Variants in ANKS1A observed in about 807,000 individuals in gnomAD.
ANKS1A encodes ankyrin repeat and sterile alpha motif domain containing 1A.
Under a neutral mutation model 120.3 loss-of-function variants are expected in ANKS1A, and 55 were observed. That is an observed-to-expected ratio of 0.46 (90% CI 0.37 to 0.57). The LOEUF (loss-of-function observed/expected upper bound fraction) is 0.57. ANKS1A is among the 20% of genes least tolerant of loss of function. ANKS1A has a pLI of 0.00. For synonymous variants in ANKS1A, 590 were observed against 604.7 expected, an observed-to-expected ratio of 0.98 and a Z score of 0.36; for missense variants, 1,123 against 1,480.3, an observed-to-expected ratio of 0.76 and a Z score of 3.96.
intron 10 of ANKS1A, among the ~76,000 whole-genome samples, chr6:34,998,957 G>A (rs952286518): frequency 3.3e-5 from 5 of 152,218 alleles, no homozygotes; most frequent in Admixed American, 2.0e-4. Flanking sequence ...AAAGCAACGC[G>A]GATCCTGAGA....
chr6:35,075,392 T>C (rs1777291752), intron 13 of ANKS1A, among the ~76,000 whole-genome samples: 1 of 151,914 alleles, frequency 6.6e-6, no homozygotes, highest in African/African-American at 2.4e-5. Flanking sequence ...TCTAACTCAT[T>C]TCATAGATAA....
At chr6:35,096,686 G>A in the ANKS1A span, among the ~76,000 whole-genome samples, 3 of 152,240 alleles carry the variant, frequency 2.0e-5, no homozygotes, top group East Asian at 1.9e-4. Flanking sequence ...CAGTCCAGAC[G>A]CCTGACATTC....
chr6:34,978,801 G>A lies in ANKS1A; in HGVS notation c.436-2889G>A, dbSNP rs1490586015. On this transcript the variant is annotated intron_variant, in intron 3 of 23. Coordinates refer to ENST00000360359, the MANE Select transcript of ANKS1A (RefSeq NM_015245.3). Reference sequence around the variant, plus strand: ...GCCTGGGCAACAAGAGCGAAACTCCGTCTCAAAAAAAAAAAAAAAAAAAAG... The same window carrying A: ...GCCTGGGCAACAAGAGCGAAACTCCATCTCAAAAAAAAAAAAAAAAAAAAG... 1.0e-3 allele frequency among the ~76,000 whole-genome samples: 25 copies of A among 23,832 alleles called. No homozygotes were observed. In the South Asian group the frequency reaches 0.04, roughly 38 times the overall value. The allele number at this position is 23,832 out of a possible 152,430, so 15.6% of individuals were successfully genotyped here.
At chr6:34,991,661 C>CAT (rs1309983468) in intron 9 of ANKS1A, among the ~76,000 whole-genome samples, 1 of 98,070 alleles carries the variant, frequency 1.0e-5, no homozygotes, top group African/African-American at 2.8e-5. Flanking sequence ...TATATATACA[C>CAT]ATATATATAC....
intron 2 of ANKS1A, among the ~76,000 whole-genome samples, chr6:34,969,801 A>G (rs190781357): frequency 6.6e-6 from 1 of 152,346 alleles, no homozygotes; most frequent in East Asian, 1.9e-4. Flanking sequence ...GAGTCAGCAT[A>G]GCATGGCTCA....
chr6:34,943,045 A>G (rs2127485365), intron 1 of ANKS1A, among the ~76,000 whole-genome samples: 1 of 150,686 alleles, frequency 6.6e-6, no homozygotes, highest in African/African-American at 2.4e-5. Context: ...AAAGCTCACT[A>G]TAACCTTTAA....
At chr6:35,048,989 T>G (rs1775849156) in intron 11 of ANKS1A, among the ~76,000 whole-genome samples, 1 of 152,122 alleles carries the variant, frequency 6.6e-6, no homozygotes, top group Non-Finnish European at 1.5e-5. Context: ...CCAGCGAAAG[T>G]GAGAGCACTG....
intron 1 of ANKS1A, among the ~76,000 whole-genome samples, chr6:34,940,268 C>T (rs1769459325): frequency 6.6e-6 from 1 of 152,170 alleles, no homozygotes; most frequent in Non-Finnish European, 1.5e-5. Flanking sequence ...TTTGTGTTGA[C>T]TGATGTAGTT....
chr6:34,993,894 C>A (rs999531806), intron 9 of ANKS1A, among the ~76,000 whole-genome samples: 3 of 152,182 alleles, frequency 2.0e-5, no homozygotes, highest in Admixed American at 6.5e-5. Flanking sequence ...ATGGGAGACG[C>A]AAGAAAGGAA....
intron 10 of ANKS1A, among the ~76,000 whole-genome samples, chr6:35,013,575 G>A (rs1373010053): frequency 2.0e-5 from 3 of 152,178 alleles, no homozygotes; most frequent in Non-Finnish European, 4.4e-5. Context: ...GATTACAGGC[G>A]TGAGCCACCA....
chr6:34,997,641 A>G (rs1045308056), intron 10 of ANKS1A, among the ~76,000 whole-genome samples: 1 of 152,262 alleles, frequency 6.6e-6, no homozygotes, highest in African/African-American at 2.4e-5. Context: ...AAAATGGTTC[A>G]TAGTGAAGGA....
Position 34,889,424 on chromosome 6 carries a change from C to T in ANKS1A, c.22C>T (p.Leu8=). The part of the protein sequence containing the change: MGKEQEL[L]EAARTGHLPA... ...GGGGATGGGGAAGGAGCAGGAGCTG[C>T]TGGAGGCGGCCCGCACCGGGCACCT... is the stretch of plus-strand genomic sequence containing the variant. The change falls in exon 1 of 24, where the codon CTG becomes TTG. Residue 8 remains leucine (L), a synonymous_variant. Coordinates refer to ENST00000360359, the MANE Select transcript of ANKS1A (RefSeq NM_015245.3). This position sits in a 1 kb window ranked among gnomAD's most constrained non-coding sequence, Gnocchi z 5.5. 7.8e-7 allele frequency: 1 copy of T among 1,285,184 alleles called. No individual in the cohort carries two copies. Among genetic ancestry groups the T allele is most frequent in the Non-Finnish European group, 9.8e-7 (1 of 1,019,798 alleles). 79.6% of individuals were successfully genotyped at this position (1,285,184 alleles called of 1,614,324 possible).
chr6:35,015,836 T>C (rs1773973342), intron 10 of ANKS1A, among the ~76,000 whole-genome samples: 1 of 152,234 alleles, frequency 6.6e-6, no homozygotes, highest in East Asian at 1.9e-4. Context: ...TGTGTTTTAG[T>C]ACATTGTGTT....
At chr6:35,002,619 C>CT (rs1749660768) in intron 10 of ANKS1A, among the ~76,000 whole-genome samples, 1 of 151,966 alleles carries the variant, frequency 6.6e-6, no homozygotes, top group South Asian at 2.1e-4. Flanking sequence ...AGCCCAGTCT[C>CT]TAAATGTTAT....
At chr6:34,951,843 T>C (rs926811706) in intron 1 of ANKS1A, among the ~76,000 whole-genome samples, 1 of 152,234 alleles carries the variant, frequency 6.6e-6, no homozygotes, top group Non-Finnish European at 1.5e-5. Flanking sequence ...CCTCTACTCA[T>C]GTCCCTCTGG....
At chr6:35,054,225 C>T in intron 12 of ANKS1A, 60 bp downstream of exon 12, 1 of 1,519,702 alleles carries the variant, frequency 6.6e-7, no homozygotes, top group Non-Finnish European at 9.1e-7. Flanking sequence ...TTTTCTGGCT[C>T]AGGCTTTCCT....
rs765577638 is a variant in ANKS1A, at chr6:34,889,510, C to T, written c.108C>T (p.Gly36=). ...KRLSSGFGGG[G]GGGSGGGGGG... ...TCTCCTCAGGCTTTGGGGGCGGCGG[C>T]GGCGGTGGCTCTGGGGGCGGCGGCG... The change falls in exon 1 of 24, where the codon GGC becomes GGT. Residue 36 remains glycine (G), a synonymous_variant. Transcript: ENST00000360359. This position sits in a 1 kb window ranked among gnomAD's most constrained non-coding sequence, Gnocchi z 5.5. 1 of 1,273,430 alleles carries T rather than the reference C, an allele frequency of 7.9e-7. No homozygotes were observed. The highest frequency in any genetic ancestry group is 3.6e-5 in the South Asian group (1 of 28,154). 78.9% of individuals were successfully genotyped at this position (1,273,430 alleles called of 1,614,324 possible). A position where few individuals can be genotyped will look rare whatever the true frequency, so the allele number is the denominator to read the frequency against.
At chr6:35,068,972 C>A (rs1320257751) in intron 13 of ANKS1A, among the ~76,000 whole-genome samples, 1 of 152,160 alleles carries the variant, frequency 6.6e-6, no homozygotes, top group Non-Finnish European at 1.5e-5. Flanking sequence ...GGTGAACGTC[C>A]AATGCAAGAG....
In ANKS1A at chr6:34,918,449, G is replaced by A. The variant is rs536937418; in HGVS notation, c.197+28850G>A. Among the ~76,000 whole-genome samples, 14 of 152,334 alleles carry A rather than the reference G, an allele frequency of 9.2e-5. No individual in the cohort carries two copies. In the East Asian group the frequency reaches 1.9e-3, roughly 21 times the overall value. On this transcript the variant is annotated intron_variant, in intron 1 of 23. Transcript: ENST00000360359. ...AGATGTTCCAAACAGCACCTGGCACGTGGTATGTGCTTATTAAATGCTAGC... is the reference window on the plus strand; with the variant it reads ...AGATGTTCCAAACAGCACCTGGCACATGGTATGTGCTTATTAAATGCTAGC...
Sources: allele counts gnomAD v4.1 joint callset (sites outside exome capture counted in the v4.1 genomes callset), GRCh38; gene constraint gnomAD v4.1.1; non-coding constraint Gnocchi (gnomAD v3.1); transcripts MANE v1.5; gene names NCBI Gene and HGNC (gene_info 2026-07-23, HGNC 2026-07-21).